The following AMBP variants were observed in gnomAD, a reference collection of about 807,000 sequenced individuals.
AMBP encodes alpha-1-microglobulin/bikunin precursor, also known as protein AMBP.
A neutral mutation model predicts 46.3 loss-of-function variants in AMBP; 37 were observed. That is an observed-to-expected ratio of 0.80 (90% CI 0.61 to 1.05). The LOEUF is 1.05. Ranked by LOEUF, AMBP falls within the 50% of genes least tolerant of loss-of-function variation. AMBP has a pLI of 0.00. For missense variants in AMBP, 475 were observed against 461.2 expected (o/e 1.03, Z -0.27); for synonymous variants, 174 against 175.9 (o/e 0.99, Z 0.09).
chr9:114,076,521 TC>T, intron 2 of AMBP, 76 bp downstream of exon 2: 1 of 1,566,598 alleles, frequency 6.4e-7, no homozygotes. Flanking sequence ...ATCTGCAACT[TC>T]CCAGGATGGA....
intron 6 of AMBP, among the ~76,000 whole-genome samples, chr9:114,068,444 A>C (rs950129770): frequency 6.6e-6 from 1 of 152,034 alleles, no homozygotes; most frequent in Non-Finnish European, 1.5e-5. Context: ...TACTGAAAAA[A>C]AAAATACAAA....
At chr9:114,072,643 A>T (rs920805503) in intron 5 of AMBP, among the ~76,000 whole-genome samples, 2 of 151,792 alleles carry the variant, frequency 1.3e-5, no homozygotes, top group Non-Finnish European at 2.9e-5. Context: ...TAATCCCAAA[A>T]CTCTTTTGCC....
intron 6 of AMBP, among the ~76,000 whole-genome samples, chr9:114,064,781 C>A (rs529327659): frequency 4.6e-5 from 7 of 152,226 alleles, no homozygotes; most frequent in Admixed American, 1.3e-4. Context: ...AGGAAAAAAA[C>A]ACAAGACATT....
chr9:114,071,544 A>G (rs1846744893), intron 5 of AMBP, among the ~76,000 whole-genome samples: 1 of 152,202 alleles, frequency 6.6e-6, no homozygotes, highest in African/African-American at 2.4e-5. Flanking sequence ...CCTGAGTGGA[A>G]GGAGGCTGGT....
At chr9:114,063,305 A>G (rs1238224834) in intron 6 of AMBP, among the ~76,000 whole-genome samples, 1 of 152,162 alleles carries the variant, frequency 6.6e-6, no homozygotes, top group Non-Finnish European at 1.5e-5. Context: ...CTCTGGGTGT[A>G]GAGTCCTTGA....
chr9:114,076,451 C>A, intron 2 of AMBP, 147 bp downstream of exon 2: 1 of 1,180,402 alleles, frequency 8.5e-7, no homozygotes, highest in Non-Finnish European at 1.2e-6. Flanking sequence ...AAGGGCCGTC[C>A]TGGTGGAGGA....
At position 114,073,269 on chromosome 9, in the gene AMBP, C is replaced by T. The variant is rs544967609; in HGVS notation, c.455-243G>A. On this transcript the variant is annotated intron_variant, in intron 4 of 9. Coordinates refer to ENST00000265132, the MANE Select transcript of AMBP (RefSeq NM_001633.4). ...CTTCCCCTTTTTTTTTTTTTTGAGACGGAGTCTCACTCTGTCGCCTAGGCT... is the reference window on the plus strand; with the variant it reads ...CTTCCCCTTTTTTTTTTTTTTGAGATGGAGTCTCACTCTGTCGCCTAGGCT... Among the ~76,000 whole-genome samples, 403 of 149,022 alleles carry T rather than the reference C, an allele frequency of 2.7e-3. 2 individuals carry two copies. Among genetic ancestry groups the T allele is most frequent in the Middle Eastern group, 0.017 (5 of 290 alleles).
chr9:114,076,762 G>C, intron 1 of AMBP, 22 bp from the exon 2 acceptor site: 1 of 1,612,544 alleles, frequency 6.2e-7, no homozygotes, highest in Non-Finnish European at 8.5e-7. Flanking sequence ...GTGAGCTCTG[G>C]GGGTCTGCAT....
intron 4 of AMBP, among the ~76,000 whole-genome samples, chr9:114,073,233 C>T (rs545672822): frequency 3.5e-4 from 53 of 151,932 alleles, no homozygotes; most frequent in Non-Finnish European, 6.2e-4. Context: ...CCTGAGTCCC[C>T]ACAAAGGACT....
At position 114,074,654 on chromosome 9, in the gene AMBP, G is replaced by A. The variant is rs184993826; in HGVS notation, c.337+306C>T. On this transcript the variant is annotated intron_variant, in intron 3 of 9. Coordinates refer to ENST00000265132, the MANE Select transcript of AMBP (RefSeq NM_001633.4). ...TCACTTAGCATCATGCACACTGTAC[G>A]TGGTAGATGCTTAGTAAATTTTTAT... Among the ~76,000 whole-genome samples, 1,007 of 152,270 alleles carry A rather than the reference G, an allele frequency of 6.6e-3. 5 individuals carry two copies. Among genetic ancestry groups the A allele is most frequent in the Non-Finnish European group, 0.011 (723 of 68,032 alleles).
chr9:114,061,147 G>C (rs559183057), intron 8 of AMBP, 49 bp from the exon 9 acceptor site: 1 of 1,597,306 alleles, frequency 6.3e-7, no homozygotes, highest in Non-Finnish European at 8.5e-7. Flanking sequence ...TGTGACTGCT[G>C]ATCAGACATA....
chr9:114,072,841 A>T, intron 5 of AMBP, 84 bp downstream of exon 5: 1 of 1,251,060 alleles, frequency 8.0e-7, no homozygotes, highest in Non-Finnish European at 1.1e-6. Context: ...GGGTTATAGT[A>T]AGGACCCAGG....
intron 3 of AMBP, among the ~76,000 whole-genome samples, chr9:114,074,709 G>A (rs890225703): frequency 7.2e-5 from 11 of 152,146 alleles, no homozygotes; most frequent in Admixed American, 5.2e-4. Flanking sequence ...AAGAAGACAT[G>A]AAGACTGGCG....
chr9:114,071,941 C>T (rs1846749346), intron 5 of AMBP, among the ~76,000 whole-genome samples: 1 of 152,204 alleles, frequency 6.6e-6, no homozygotes, highest in African/African-American at 2.4e-5. Flanking sequence ...AAGGAGCTGC[C>T]CACTGCAGGT....
At chr9:114,075,406 C>T (rs1296654649) in intron 2 of AMBP, among the ~76,000 whole-genome samples, 1 of 152,224 alleles carries the variant, frequency 6.6e-6, no homozygotes, top group African/African-American at 2.4e-5. Context: ...GTCTCTCTTG[C>T]CCCAGTTTTC....
rs1846710864 is a variant in AMBP, at chr9:114,068,093, T to TG, written c.603+1605dup. Among the ~76,000 whole-genome samples the TG allele has an allele frequency of 2.6e-5, 4 of 152,340 alleles. No individual in the cohort carries two copies. The South Asian group carries it at 8.3e-4, about 32-fold the overall frequency. ...AAGACAAAAGAAATTTTCGAAGAGT[T>TG]GCCACAGAGTTTCACTCTCAAAGGG... On this transcript the variant is annotated intron_variant, in intron 6 of 9. Coordinates refer to ENST00000265132, the MANE Select transcript of AMBP (RefSeq NM_001633.4).
Position 114,066,376 on chromosome 9 carries a change from C to CGTGTGTGTGTGTGTGTGTGTGTGTGT in AMBP, c.603+3297_603+3322dup, listed in dbSNP as rs55940547. Among the ~76,000 whole-genome samples the CGTGTGTGTGTGTGTGTGTGTGTGTGT allele has an allele frequency of 1.4e-3, 202 of 141,268 alleles. 3 individuals carry two copies. The highest frequency in any genetic ancestry group is 2.2e-3 in the Admixed American group (31 of 14,034). 92.7% of individuals were successfully genotyped at this position (141,268 alleles called of 152,430 possible). On this transcript the variant is annotated intron_variant, in intron 6 of 9. Coordinates refer to ENST00000265132, the MANE Select transcript of AMBP (RefSeq NM_001633.4). The stretch of plus-strand genomic sequence containing the variant: ...TAATCAGAACATGCATTTATGTGCA[C>CGTGTGTGTGTGTGTGTGTGTGTGTGT]GTGTGTGTGTGTGTGTGTGTGTGTG...
At chr9:114,076,182 G>A (rs1181793558) in intron 2 of AMBP, among the ~76,000 whole-genome samples, 1 of 152,034 alleles carries the variant, frequency 6.6e-6, no homozygotes, top group Non-Finnish European at 1.5e-5. Flanking sequence ...CAGACAACCA[G>A]GAAAGAAAGG....
At chr9:114,060,295 A>AG in intron 9 of AMBP, 25 bp from the exon 10 acceptor site, 1 of 1,611,886 alleles carries the variant, frequency 6.2e-7, no homozygotes, top group Non-Finnish European at 8.5e-7. Flanking sequence ...AGACTCAGGG[A>AG]GGGGTCCGTA....
Sources: gnomAD v4.1 joint callset for allele counts (sites outside exome capture counted in the v4.1 genomes callset) on GRCh38, gnomAD v4.1.1 for gene constraint, MANE v1.5 for transcripts, NCBI Gene and HGNC (gene_info 2026-07-23, HGNC 2026-07-21) for gene names.